The following GRID2 variants were observed in gnomAD, a reference collection of about 807,000 sequenced individuals.
GRID2 encodes the protein glutamate receptor ionotropic, delta-2.
GRID2 carries 33 observed loss-of-function variants against 114.8 expected under a neutral mutation model. The observed-to-expected ratio is 0.29, with a 90% CI of 0.22 to 0.38. The LOEUF is 0.38. GRID2 is among the 10% of genes least tolerant of loss of function. The probability of loss-of-function intolerance (pLI) is 1.00; values close to 1 mark genes in which losing one functional copy is unlikely to be tolerated. For missense variants in GRID2, 1,184 were observed against 1,257.7 expected (o/e 0.94, Z 0.89); for synonymous variants, 505 against 449.9 (o/e 1.12, Z -1.55).
chr4:92,435,037 T>C (rs562406858), intron 1 of GRID2, among the ~76,000 whole-genome samples: 3 of 152,324 alleles, frequency 2.0e-5, no homozygotes, highest in South Asian at 4.1e-4. Context: ...CCAAGATTAT[T>C]ATGTCTTTAT....
At chr4:92,758,932 A>G (rs1737856461) in intron 2 of GRID2, among the ~76,000 whole-genome samples, 1 of 152,196 alleles carries the variant, frequency 6.6e-6, no homozygotes, top group Admixed American at 6.5e-5. Flanking sequence ...AAAATTTTGT[A>G]ACTTCTTTCT....
intron 2 of GRID2, among the ~76,000 whole-genome samples, chr4:92,651,810 G>C (rs1731947275): frequency 6.6e-6 from 1 of 152,114 alleles, no homozygotes; most frequent in African/African-American, 2.4e-5. Flanking sequence ...CTGTCATTCA[G>C]CTATGTCCCA....
At chr4:93,429,936 T>G (rs1769241099) in intron 10 of GRID2, among the ~76,000 whole-genome samples, 1 of 152,132 alleles carries the variant, frequency 6.6e-6, no homozygotes, top group African/African-American at 2.4e-5. Context: ...AATAAGATAC[T>G]ATTTAGTAAT....
intron 1 of GRID2, among the ~76,000 whole-genome samples, chr4:92,523,794 T>G (rs900173700): frequency 2.0e-5 from 3 of 151,022 alleles, no homozygotes; most frequent in Non-Finnish European, 3.0e-5. Context: ...GCTCAGAGAG[T>G]GGGAGTGAAA....
At chr4:93,473,849 A>C (rs1221593092) in intron 11 of GRID2, among the ~76,000 whole-genome samples, 2 of 152,124 alleles carry the variant, frequency 1.3e-5, no homozygotes. Flanking sequence ...CCATATGTGC[A>C]TAAAAAATTT....
intron 14 of GRID2, among the ~76,000 whole-genome samples, chr4:93,725,082 C>A (rs1729728382): frequency 6.6e-6 from 1 of 152,032 alleles, no homozygotes; most frequent in South Asian, 2.1e-4. Context: ...GTGCTGCACC[C>A]ATTAACTCAT....
intron 4 of GRID2, among the ~76,000 whole-genome samples, chr4:93,198,979 A>C (rs1461938048): frequency 6.6e-6 from 1 of 152,204 alleles, no homozygotes; most frequent in African/African-American, 2.4e-5. Context: ...TGTCATACTT[A>C]AGAATTAATT....
chr4:92,589,038 G>A (rs1279995670), intron 1 of GRID2, among the ~76,000 whole-genome samples: 3 of 152,232 alleles, frequency 2.0e-5, no homozygotes, highest in South Asian at 2.1e-4. Context: ...CCCGGGAGGC[G>A]GAGGTTGCAA....
At chr4:92,906,575 C>T (rs1056072197) in intron 2 of GRID2, among the ~76,000 whole-genome samples, 8 of 152,086 alleles carry the variant, frequency 5.3e-5, no homozygotes, top group African/African-American at 1.9e-4. Flanking sequence ...GAACCCAGCC[C>T]TTTCATCCTT....
intron 14 of GRID2, among the ~76,000 whole-genome samples, chr4:93,720,484 T>C (rs2110192545): frequency 6.6e-6 from 1 of 152,284 alleles, no homozygotes; most frequent in Admixed American, 6.5e-5. Flanking sequence ...AGTCAGGAAG[T>C]AAATACAGAA....
chr4:92,434,758 G>A (rs1370451267), intron 1 of GRID2, among the ~76,000 whole-genome samples: 2 of 151,880 alleles, frequency 1.3e-5, no homozygotes, highest in Admixed American at 6.6e-5. Context: ...TTCCAAAAGG[G>A]AAATTAATAT....
intron 2 of GRID2, among the ~76,000 whole-genome samples, chr4:92,635,229 CTTTGAG>C (rs1004609621): frequency 2.0e-5 from 3 of 152,038 alleles, no homozygotes; most frequent in Non-Finnish European, 4.4e-5. Flanking sequence ...GCAAGCAGCA[CTTTGAG>C]TTTGATTTCG....
chr4:93,118,700 T>C (rs1733507339), intron 4 of GRID2, among the ~76,000 whole-genome samples: 1 of 152,152 alleles, frequency 6.6e-6, no homozygotes, highest in East Asian at 1.9e-4. Context: ...CCATGGATTA[T>C]ATGATAGAAA....
rs979167159 is a variant in GRID2, at chr4:92,437,841, C to T, written c.88+133097C>T. On this transcript the variant is annotated intron_variant, in intron 1 of 15. Transcript: ENST00000282020. ...AAACCACCACTTTAAGAATTAATAC[C>T]TAAAGAAAACAAAATTGCTTAGATG... Among the ~76,000 whole-genome samples, 15 of 152,120 alleles carry T rather than the reference C, an allele frequency of 9.9e-5. 1 individual carries two copies. Among genetic ancestry groups the T allele is most frequent in the Admixed American group, 7.9e-4 (12 of 15,278 alleles).
intron 2 of GRID2, among the ~76,000 whole-genome samples, chr4:92,874,767 A>T (rs1279220637): frequency 6.6e-6 from 1 of 152,210 alleles, no homozygotes; most frequent in Non-Finnish European, 1.5e-5. Context: ...AGATGTAAAA[A>T]ATCTAATTAA....
intron 8 of GRID2, among the ~76,000 whole-genome samples, chr4:93,345,086 T>C (rs1760083375): frequency 6.6e-6 from 1 of 151,784 alleles, no homozygotes; most frequent in Non-Finnish European, 1.5e-5. Context: ...TTCCGTATCT[T>C]GGCTATTGTA....
intron 1 of GRID2, among the ~76,000 whole-genome samples, chr4:92,319,699 T>C (rs949929768): frequency 6.6e-6 from 1 of 152,192 alleles, no homozygotes; most frequent in Non-Finnish European, 1.5e-5. Flanking sequence ...AGGGGACCTA[T>C]GTTTGGGAAG....
chr4:92,484,731 G>A (rs936402690), intron 1 of GRID2, among the ~76,000 whole-genome samples: 12 of 152,018 alleles, frequency 7.9e-5, no homozygotes, highest in African/African-American at 2.9e-4. Context: ...GAGATAGTAG[G>A]ATGATTATGA....
At chr4:93,497,401 G>T (rs763163329) in intron 12 of GRID2, among the ~76,000 whole-genome samples, 4 of 151,672 alleles carry the variant, frequency 2.6e-5, no homozygotes, top group Admixed American at 1.3e-4. Context: ...TCATTTTATG[G>T]ATTGTGCTTT....
Sources: allele counts gnomAD v4.1 joint callset (sites outside exome capture counted in the v4.1 genomes callset), GRCh38; gene constraint gnomAD v4.1.1; transcripts MANE v1.5; gene names NCBI Gene and HGNC (gene_info 2026-07-23, HGNC 2026-07-21).